The following PGBD5 variants were observed in gnomAD, a reference collection of about 807,000 sequenced individuals.
The protein encoded by PGBD5 is piggyBac transposable element-derived protein 5.
A neutral mutation model predicts 47.9 loss-of-function variants in PGBD5; 14 were observed. The ratio of observed to expected loss-of-function variants is 0.29; its 90% CI spans 0.19 to 0.46. The LOEUF (loss-of-function observed/expected upper bound fraction) is 0.46. Among genes scored for constraint, PGBD5 ranks in the 20% least tolerant of loss-of-function variants. PGBD5 has a pLI of 1.00. For synonymous variants in PGBD5, 316 were observed against 306.3 expected (o/e 1.03, Z -0.33); for missense variants, 635 against 716.0 (o/e 0.89, Z 1.29).
At chr1:230,397,350 G>C (rs1657012084) in intron 1 of PGBD5, among the ~76,000 whole-genome samples, 1 of 152,164 alleles carries the variant, frequency 6.6e-6, no homozygotes, top group Admixed American at 6.5e-5. Flanking sequence ...CACCACCATA[G>C]CATTCCAGTA....
intron 1 of PGBD5, among the ~76,000 whole-genome samples, chr1:230,386,528 G>C (rs1279877933): frequency 6.6e-6 from 1 of 152,162 alleles, no homozygotes; most frequent in South Asian, 2.1e-4. Context: ...TCAGTACTGG[G>C]AGTGCCCATT....
chr1:230,420,137 A>G (rs926917179), intron 1 of PGBD5, among the ~76,000 whole-genome samples: 2 of 152,154 alleles, frequency 1.3e-5, no homozygotes, highest in Non-Finnish European at 2.9e-5. Context: ...AAAAACAAAC[A>G]AAAAAACAAA....
Position 230,425,761 on chromosome 1 carries a change from C to A in PGBD5, c.168G>T (p.Ser56=). The A allele has an allele frequency of 8.3e-7, 1 of 1,207,216 alleles. No individual in the cohort carries two copies. The highest frequency in any genetic ancestry group is 1.0e-6 in the Non-Finnish European group (1 of 970,450). The allele number at this position is 1,207,216 out of a possible 1,614,324, so 74.8% of individuals were successfully genotyped here. The change falls in exon 1 of 7, where the codon TCG becomes TCT. Residue 56 remains serine (S), a synonymous_variant. Coordinates refer to ENST00000391860, the MANE Select transcript of PGBD5 (RefSeq NM_001258311.2). The surrounding 1 kb of genome is among the most constrained non-coding windows in gnomAD (Gnocchi z 4.7). The part of the protein sequence containing the change: ...YSTSAASRSS[S]AASSDDEREP... ...CGCGCTCGTCGTCCGAGGAGGCGGC[C>A]GAGGAGGAGCGCGAGGCGGCCGAGG...
intron 1 of PGBD5, among the ~76,000 whole-genome samples, chr1:230,385,312 G>A (rs1028627469): frequency 6.6e-6 from 1 of 152,200 alleles, no homozygotes; most frequent in African/African-American, 2.4e-5. Flanking sequence ...GCAAGTAATT[G>A]CCTTGTTTTT....
In PGBD5 at chr1:230,323,752, G is replaced by C; in HGVS notation, c.1380-132C>G. On this transcript the variant is annotated intron_variant, in intron 6 of 6. Transcript: ENST00000391860. This position sits in a 1 kb window ranked among gnomAD's most constrained non-coding sequence, Gnocchi z 4.1. ...CCCCGACAGAAGCAGGAGGGCTATGGGGGCAGGAGTCAGGCTTGGGATGTT... is the reference window on the plus strand; with the variant it reads ...CCCCGACAGAAGCAGGAGGGCTATGCGGGCAGGAGTCAGGCTTGGGATGTT... 1.2e-6 allele frequency: 1 copy of C among 813,526 alleles called. No individual in the cohort carries two copies. The highest frequency in any genetic ancestry group is 2.6e-5 in the East Asian group (1 of 38,750). The allele number at this position is 813,526 out of a possible 1,614,324, so 50.4% of individuals were successfully genotyped here. A position where few individuals can be genotyped will look rare whatever the true frequency, so the allele number is the denominator to read the frequency against.
intron 5 of PGBD5, among the ~76,000 whole-genome samples, chr1:230,329,073 C>T (rs1667168327): frequency 6.6e-6 from 1 of 152,004 alleles, no homozygotes; most frequent in South Asian, 2.1e-4. Flanking sequence ...CCCCCACCCC[C>T]CAGTAGCTTG....
At chr1:230,363,750 G>A (rs1258540977) in intron 1 of PGBD5, among the ~76,000 whole-genome samples, 2 of 152,170 alleles carry the variant, frequency 1.3e-5, no homozygotes, top group African/African-American at 4.8e-5. Context: ...TATTTTAAAT[G>A]AAGGGCTTAA....
chr1:230,334,022 G>A (rs1451145224), intron 4 of PGBD5, among the ~76,000 whole-genome samples: 1 of 152,218 alleles, frequency 6.6e-6, no homozygotes, highest in Non-Finnish European at 1.5e-5. Flanking sequence ...TCTCTGCTCA[G>A]CTCCCGGAGG....
At chr1:230,391,128 C>T (rs1656772880) in intron 1 of PGBD5, among the ~76,000 whole-genome samples, 2 of 149,562 alleles carry the variant, frequency 1.3e-5, no homozygotes, top group South Asian at 4.3e-4. Context: ...GGGCATGTCA[C>T]CGAGGCAGGA....
rs573868486 is a variant in PGBD5 at position 230,358,271 on chromosome 1, G to A, written c.332-950C>T. On this transcript the variant is annotated intron_variant, in intron 1 of 6. Coordinates refer to ENST00000391860, the MANE Select transcript of PGBD5 (RefSeq NM_001258311.2). ...TGGCACATTCGGTAAATACTGATCT[G>A]AAGAGAAAAAGACACATAAGGGGAG... 3.9e-5 allele frequency among the ~76,000 whole-genome samples: 6 copies of A among 152,128 alleles called. No homozygotes were observed. The South Asian group carries it at 1.2e-3, about 32-fold the overall frequency.
intron 1 of PGBD5, among the ~76,000 whole-genome samples, chr1:230,374,002 C>T (rs1190066966): frequency 6.6e-6 from 1 of 151,950 alleles, no homozygotes; most frequent in Non-Finnish European, 1.5e-5. Context: ...TTTATAACAG[C>T]AAAACAGGGC....
chr1:230,377,411 G>A, intron 1 of PGBD5: 2 of 1,378,786 alleles, frequency 1.5e-6, no homozygotes, highest in South Asian at 1.2e-5. Flanking sequence ...GGCAGAAGCT[G>A]TGATGATGAT....
chr1:230,378,064 G>A (rs4846953), intron 1 of PGBD5, among the ~76,000 whole-genome samples: 35,131 of 152,146 alleles, frequency 0.23, 4,926 homozygotes, highest in Admixed American at 0.31. Flanking sequence ...CATGTCACAC[G>A]TTAGCAGACA....
chr1:230,406,897 G>A (rs138877135), intron 1 of PGBD5, among the ~76,000 whole-genome samples: 2,381 of 152,226 alleles, frequency 0.016, 65 homozygotes, highest in African/African-American at 0.052. Context: ...GTGCAATGGC[G>A]CAATCTTCGC....
At chr1:230,334,634 T>A (rs185170338) in intron 4 of PGBD5, among the ~76,000 whole-genome samples, 1,815 of 152,216 alleles carry the variant, frequency 0.012, 41 homozygotes, top group African/African-American at 0.041. Context: ...ACCAATGCAA[T>A]CTGTGTCCTG....
intron 1 of PGBD5, among the ~76,000 whole-genome samples, chr1:230,389,709 CAT>C (rs1353421476): frequency 6.6e-6 from 1 of 152,078 alleles, no homozygotes; most frequent in Non-Finnish European, 1.5e-5. Flanking sequence ...GTATTAACCC[CAT>C]AATATAAAAA....
chr1:230,330,187 G>A (rs1046767967), intron 5 of PGBD5, among the ~76,000 whole-genome samples: 7 of 152,272 alleles, frequency 4.6e-5, no homozygotes, highest in African/African-American at 7.2e-5. Context: ...CAGAGTGATT[G>A]ATATTTAAAA....
chr1:230,361,020 G>A (rs1399891433), intron 1 of PGBD5, among the ~76,000 whole-genome samples: 2 of 152,270 alleles, frequency 1.3e-5, no homozygotes, highest in East Asian at 3.9e-4. Context: ...CAGCTGGGGA[G>A]GCCTTCCTCC....
chr1:230,422,860 C>G (rs1657687284), intron 1 of PGBD5, among the ~76,000 whole-genome samples: 1 of 151,940 alleles, frequency 6.6e-6, no homozygotes, highest in African/African-American at 2.4e-5. Context: ...CTCCCTCTCC[C>G]AGCTGGGCAC....
Sources: allele counts gnomAD v4.1 joint callset (sites outside exome capture counted in the v4.1 genomes callset), GRCh38; gene constraint gnomAD v4.1.1; non-coding constraint Gnocchi (gnomAD v3.1); transcripts MANE v1.5; gene names NCBI Gene and HGNC (gene_info 2026-07-23, HGNC 2026-07-21).